AKAP19: variants seen among roughly 807,000 people sequenced by gnomAD.
AKAP19 encodes the protein A-kinase anchoring protein 19, also known as small A-kinase anchoring protein.
At chr2:190,189,404 C>G in the AKAP19 span, among the ~76,000 whole-genome samples, 1 of 152,122 alleles carries the variant, frequency 6.6e-6, no homozygotes, top group Non-Finnish European at 1.5e-5. Flanking sequence ...AGTGGAAGAG[C>G]CAGACCTATC....
the AKAP19 span, among the ~76,000 whole-genome samples, chr2:189,891,770 T>TGTTG: frequency 6.6e-6 from 1 of 152,134 alleles, no homozygotes; most frequent in African/African-American, 2.4e-5. Flanking sequence ...TGGATTTGAA[T>TGTTG]GTTGGCCTGT....
chr2:190,151,354 G>T, the AKAP19 span, among the ~76,000 whole-genome samples: 2 of 152,094 alleles, frequency 1.3e-5, no homozygotes, highest in Admixed American at 1.3e-4. Context: ...TTATCCTGAT[G>T]CTCTCCCTTT....
the AKAP19 span, among the ~76,000 whole-genome samples, chr2:190,010,958 C>A: frequency 2.0e-5 from 3 of 150,084 alleles, no homozygotes; most frequent in African/African-American, 7.4e-5. Context: ...GGATATGTGG[C>A]TATATATATA....
At chr2:190,193,604 C>T in the AKAP19 span, among the ~76,000 whole-genome samples, 1 of 152,110 alleles carries the variant, frequency 6.6e-6, no homozygotes, top group East Asian at 1.9e-4. Flanking sequence ...TTTCTTGTGC[C>T]AATTTTGGTA....
chr2:190,202,181 T>G, the AKAP19 span: 19 of 167,166 alleles, frequency 1.1e-4, no homozygotes, highest in African/African-American at 4.3e-4. Flanking sequence ...CAACTAGAAG[T>G]CTGATTTCTG....
the AKAP19 span, among the ~76,000 whole-genome samples, chr2:190,174,466 T>C: frequency 2.0e-5 from 3 of 152,254 alleles, no homozygotes; most frequent in Admixed American, 1.3e-4. Context: ...TCTTCAGTTA[T>C]GTGGCTATGC....
chr2:189,951,246 G>A, the AKAP19 span, among the ~76,000 whole-genome samples: 121 of 136,680 alleles, frequency 8.9e-4, no homozygotes, highest in Admixed American at 2.0e-3. Context: ...TCTTCCCCCA[G>A]GCTGGAGTGC....
chr2:190,070,702 T>G, the AKAP19 span, among the ~76,000 whole-genome samples: 1 of 147,530 alleles, frequency 6.8e-6, no homozygotes, highest in Non-Finnish European at 1.5e-5. Flanking sequence ...ACCCAAAATC[T>G]ATGTTAAATA....
the AKAP19 span, among the ~76,000 whole-genome samples, chr2:190,093,258 A>C: frequency 0.041 from 3,128 of 75,618 alleles, 75 homozygotes; most frequent in East Asian, 0.27. Flanking sequence ...CCCCGTCTCT[A>C]CTAAAAAAAA....
the AKAP19 span, chr2:190,055,914 C>A: frequency 6.6e-6 from 1 of 152,348 alleles, no homozygotes; most frequent in African/African-American, 2.4e-5. Context: ...GTTTATTCTT[C>A]ATTTCAGATA....
chr2:190,083,600 G>T, the AKAP19 span, among the ~76,000 whole-genome samples: 1 of 152,152 alleles, frequency 6.6e-6, no homozygotes, highest in Non-Finnish European at 1.5e-5. Context: ...ATTCCCATTG[G>T]TTTACAGAAA....
chr2:190,062,407 G>A, the AKAP19 span: 1 of 1,613,346 alleles, frequency 6.2e-7, no homozygotes, highest in Non-Finnish European at 8.5e-7. Flanking sequence ...TCCAGACGAA[G>A]TTTACTGAGG....
chr2:190,070,876 G>C, the AKAP19 span, among the ~76,000 whole-genome samples: 2 of 152,070 alleles, frequency 1.3e-5, no homozygotes, highest in Admixed American at 6.6e-5. Flanking sequence ...GTATAGTAAG[G>C]ACCCTTTACT....
At chr2:189,887,118 C>T in the AKAP19 span, among the ~76,000 whole-genome samples, 7 of 152,100 alleles carry the variant, frequency 4.6e-5, no homozygotes, top group Middle Eastern at 3.2e-3. Flanking sequence ...TTAGGTATTT[C>T]TCCTAATGCT....
At chr2:190,137,406 G>A in the AKAP19 span, among the ~76,000 whole-genome samples, 1 of 152,120 alleles carries the variant, frequency 6.6e-6, no homozygotes, top group African/African-American at 2.4e-5. Context: ...AAGACAGTAA[G>A]TTTCAGCTCT....
the AKAP19 span, among the ~76,000 whole-genome samples, chr2:189,941,717 A>G: frequency 6.6e-6 from 1 of 152,244 alleles, no homozygotes; most frequent in Non-Finnish European, 1.5e-5. Context: ...TAACAGAAGG[A>G]AAAATCACTT....
At chr2:190,069,249 C>T in the AKAP19 span, among the ~76,000 whole-genome samples, 1 of 148,954 alleles carries the variant, frequency 6.7e-6, no homozygotes, top group Non-Finnish European at 1.5e-5. Flanking sequence ...ATGAACTGAG[C>T]ATAATAATAA....
chr2:190,057,267 C>T, the AKAP19 span: 6 of 1,613,056 alleles, frequency 3.7e-6, no homozygotes, highest in Admixed American at 6.7e-5. Context: ...CTCATGAGCA[C>T]CCACAGCGGT....
the AKAP19 span, among the ~76,000 whole-genome samples, chr2:190,070,990 AG>A: frequency 6.6e-3 from 1,003 of 152,288 alleles, 7 homozygotes; most frequent in African/African-American, 0.023. Context: ...CACATAGATG[AG>A]GGGGGTCCCA....
Sources: gnomAD v4.1 joint callset for allele counts (sites outside exome capture counted in the v4.1 genomes callset) on GRCh38, gnomAD v4.1.1 for gene constraint, MANE v1.5 for transcripts, NCBI Gene and HGNC (gene_info 2026-07-23, HGNC 2026-07-21) for gene names.